Variants in ELOVL5 observed in about 807,000 individuals in gnomAD.
ELOVL5 encodes the protein very long chain fatty acid elongase 5.
A neutral mutation model predicts 38.6 loss-of-function variants in ELOVL5; 8 were observed. The ratio of observed to expected loss-of-function variants is 0.21; its 90% confidence interval spans 0.12 to 0.37. ELOVL5 has a LOEUF of 0.37. ELOVL5 is among the 10% of genes least tolerant of loss of function. ELOVL5 has a pLI of 1.00. For missense variants in ELOVL5, 280 were observed against 367.8 expected (o/e 0.76, Z 1.95); for synonymous variants, 127 against 133.7 (o/e 0.95, Z 0.34).
intron 3 of ELOVL5, 71 bp downstream of exon 3, chr6:53,291,705 A>G (rs865794299): frequency 7.6e-7 from 1 of 1,311,714 alleles, no homozygotes; most frequent in Non-Finnish European, 1.0e-6. Context: ...TTCCTCATTT[A>G]GGAATACAAT....
chr6:53,273,090 G>T, intron 6 of ELOVL5, 130 bp downstream of exon 6: 1 of 1,012,240 alleles, frequency 9.9e-7, no homozygotes. Context: ...CCACTTCAAG[G>T]AATTTAATTA....
At chr6:53,279,511 C>T (rs575077055) in intron 3 of ELOVL5, among the ~76,000 whole-genome samples, 20 of 152,242 alleles carry the variant, frequency 1.3e-4, no homozygotes, top group African/African-American at 3.6e-4. Flanking sequence ...GACTGTGGCT[C>T]CTGCATCTGC....
chr6:53,325,205 CCACTT>C (rs1768487614), intron 1 of ELOVL5, among the ~76,000 whole-genome samples: 1 of 152,162 alleles, frequency 6.6e-6, no homozygotes, highest in African/African-American at 2.4e-5. Context: ...TTACTAATGA[CCACTT>C]CACAAGTGTC....
intron 3 of ELOVL5, among the ~76,000 whole-genome samples, chr6:53,278,451 G>C (rs1414116128): frequency 6.6e-6 from 1 of 152,146 alleles, no homozygotes. Context: ...TTGGACACAG[G>C]CTTCCTTTTT....
intron 3 of ELOVL5, among the ~76,000 whole-genome samples, chr6:53,289,082 T>C (rs1254635569): frequency 6.6e-6 from 1 of 152,078 alleles, no homozygotes; most frequent in Non-Finnish European, 1.5e-5. Flanking sequence ...CGCTTCTTCC[T>C]GTCTCCTTTA....
chr6:53,286,180 G>A (rs1766562542), intron 3 of ELOVL5, among the ~76,000 whole-genome samples: 1 of 152,116 alleles, frequency 6.6e-6, no homozygotes, highest in South Asian at 2.1e-4. Flanking sequence ...AAACCCCTAT[G>A]CATTTATCTG....
chr6:53,272,911 CACACACA>C (rs1210520480), intron 6 of ELOVL5, among the ~76,000 whole-genome samples: 2 of 151,798 alleles, frequency 1.3e-5, no homozygotes, highest in African/African-American at 4.8e-5. Flanking sequence ...TTAGAAAACA[CACACACA>C]TATACACACA....
intron 1 of ELOVL5, 124 bp from the exon 2 acceptor site, chr6:53,295,831 T>TAAA: frequency 1.7e-6 from 1 of 583,044 alleles, no homozygotes; most frequent in Non-Finnish European, 2.8e-6. Flanking sequence ...TTCAGTTCCT[T>TAAA]AGGTTAAAAG....
chr6:53,308,069 G>A lies in ELOVL5; in HGVS notation c.-8-12362C>T, dbSNP rs142696942. On this transcript the variant is annotated intron_variant, in intron 1 of 7. Transcript: ENST00000304434. ...ATTGCCTGAATTCATATAGTTTTACGAGAAAAAGATACAGAACTATGTAGT... is the reference window on the plus strand; with the variant it reads ...ATTGCCTGAATTCATATAGTTTTACAAGAAAAAGATACAGAACTATGTAGT... 9.9e-5 allele frequency among the ~76,000 whole-genome samples: 15 copies of A among 151,880 alleles called. No homozygotes were observed. In the East Asian group the frequency reaches 2.7e-3, roughly 27 times the overall value.
chr6:53,332,782 T>G (rs1417758144), intron 1 of ELOVL5, among the ~76,000 whole-genome samples: 1 of 152,254 alleles, frequency 6.6e-6, no homozygotes, highest in East Asian at 1.9e-4. Context: ...CTAGTTTCTT[T>G]GGCTCTGTTT....
intron 1 of ELOVL5, among the ~76,000 whole-genome samples, chr6:53,334,627 A>G (rs2127592671): frequency 6.6e-6 from 1 of 152,228 alleles, no homozygotes; most frequent in East Asian, 1.9e-4. Context: ...GTTTTGACCA[A>G]TTCCACCCAA....
At chr6:53,269,402 C>T in intron 7 of ELOVL5, 132 bp from the exon 8 acceptor site, 1 of 590,680 alleles carries the variant, frequency 1.7e-6, no homozygotes, top group South Asian at 4.2e-5. Context: ...CTCCTGAGGT[C>T]AAGTCCTCAT....
chr6:53,293,862 C>CGGAGGTCGTTATA (rs1766870963), intron 2 of ELOVL5, among the ~76,000 whole-genome samples: 1 of 152,158 alleles, frequency 6.6e-6, no homozygotes, highest in Admixed American at 6.5e-5. Flanking sequence ...GCTATGGTCA[C>CGGAGGTCGTTATA]GGAGGGTGTT....
chr6:53,287,962 A>G, intron 3 of ELOVL5: 1 of 1,533,032 alleles, frequency 6.5e-7, no homozygotes, highest in Non-Finnish European at 8.7e-7. Context: ...ACACAATTAG[A>G]TCCTCTCTGC....
chr6:53,298,545 G>C (rs1298167301), intron 1 of ELOVL5, among the ~76,000 whole-genome samples: 3 of 152,070 alleles, frequency 2.0e-5, no homozygotes, highest in Admixed American at 6.5e-5. Context: ...ACGGGGAAAA[G>C]ACCAAAGTAA....
At chr6:53,319,359 A>C (rs961399243) in intron 1 of ELOVL5, among the ~76,000 whole-genome samples, 1 of 151,500 alleles carries the variant, frequency 6.6e-6, no homozygotes, top group African/African-American at 2.4e-5. Context: ...TTTAGAGCTC[A>C]TAAGATTTGC....
intron 3 of ELOVL5, chr6:53,287,822 C>T (rs1766629564): frequency 1.3e-6 from 2 of 1,507,210 alleles, no homozygotes; most frequent in African/African-American, 1.4e-5. Context: ...ACACAGTGTT[C>T]CTGGGGAATT....
chr6:53,321,305 C>T (rs535418004), intron 1 of ELOVL5, among the ~76,000 whole-genome samples: 5 of 152,354 alleles, frequency 3.3e-5, no homozygotes, highest in East Asian at 3.9e-4. Context: ...TCACCATCCA[C>T]GGTTCTGCAT....
chr6:53,275,597 C>A (rs1379970549), intron 4 of ELOVL5, among the ~76,000 whole-genome samples: 3 of 152,166 alleles, frequency 2.0e-5, no homozygotes, highest in African/African-American at 7.2e-5. Flanking sequence ...AAGCAGCCTG[C>A]ACAGCCATTA....
Sources: gnomAD v4.1 joint callset for allele counts (sites outside exome capture counted in the v4.1 genomes callset) on GRCh38, gnomAD v4.1.1 for gene constraint, MANE v1.5 for transcripts, NCBI Gene and HGNC (gene_info 2026-07-23, HGNC 2026-07-21) for gene names.